AUTS2: variants seen among roughly 807,000 people sequenced by gnomAD.
AUTS2 encodes the protein autism susceptibility gene 2 protein.
AUTS2 carries 17 observed loss-of-function variants against 112.4 expected under a neutral mutation model. The ratio of observed to expected loss-of-function variants is 0.15; its 90% CI spans 0.10 to 0.23. The LOEUF is 0.23. Ranked by LOEUF, AUTS2 falls within the 10% of genes least tolerant of loss-of-function variation. The pLI is 1.00. For synonymous variants in AUTS2, 751 were observed against 702.7 expected, an observed-to-expected ratio of 1.07 and a Z score of -1.09; for missense variants, 1,510 against 1,701.6, an observed-to-expected ratio of 0.89 and a Z score of 1.98.
chr7:70,444,155 T>C (rs1796224443), intron 5 of AUTS2, among the ~76,000 whole-genome samples: 1 of 152,172 alleles, frequency 6.6e-6, no homozygotes, highest in African/African-American at 2.4e-5. Flanking sequence ...CTGAGCCACC[T>C]GAATACCAGG....
At position 69,894,284 on chromosome 7, in the gene AUTS2, A is replaced by G. The variant is rs1584404917; in HGVS notation, c.310-5002A>G. On this transcript the variant is annotated intron_variant, in intron 1 of 18. Transcript: ENST00000342771. ...TTTTTTTTTTTTTTTTTTTTAACAG[A>G]TTTCTTTCTTATCCTTCTGCCCTCC... Among the ~76,000 whole-genome samples the G allele has an allele frequency of 4.5e-5, 3 of 67,250 alleles. No homozygotes were observed. In the South Asian group the frequency reaches 1.4e-3, roughly 31 times the overall value. The allele number at this position is 67,250 out of a possible 152,430, so 44.1% of individuals were successfully genotyped here. A position where few individuals can be genotyped will look rare whatever the true frequency, so the allele number is the denominator to read the frequency against.
intron 1 of AUTS2, among the ~76,000 whole-genome samples, chr7:69,771,578 C>G (rs986997805): frequency 6.6e-6 from 1 of 152,046 alleles, no homozygotes; most frequent in Non-Finnish European, 1.5e-5. Flanking sequence ...GTGCTAGTTC[C>G]GTGTGGCAAA....
intron 5 of AUTS2, among the ~76,000 whole-genome samples, chr7:70,644,223 A>T (rs1013557339): frequency 6.6e-6 from 1 of 152,186 alleles, no homozygotes; most frequent in African/African-American, 2.4e-5. Flanking sequence ...AAATTCATCT[A>T]TAATGTGATG....
chr7:70,117,253 C>T (rs1167571671), intron 2 of AUTS2, among the ~76,000 whole-genome samples: 2 of 150,170 alleles, frequency 1.3e-5, no homozygotes, highest in Non-Finnish European at 2.9e-5. Context: ...TGTAGGTCTT[C>T]ATTGGTTCTT....
At chr7:70,069,380 A>AT (rs747121359) in intron 2 of AUTS2, among the ~76,000 whole-genome samples, 4 of 152,164 alleles carry the variant, frequency 2.6e-5, no homozygotes, top group African/African-American at 9.7e-5. Context: ...TGAGCACTTG[A>AT]TTTTTTAGGA....
At chr7:70,034,935 G>A (rs534799333) in intron 2 of AUTS2, among the ~76,000 whole-genome samples, 5 of 152,210 alleles carry the variant, frequency 3.3e-5, no homozygotes, top group South Asian at 2.1e-4. Flanking sequence ...GGGCCCAAGC[G>A]ATCCTCTCAC....
At chr7:70,293,137 C>T (rs1584982849) in intron 4 of AUTS2, 1 of 152,136 alleles carries the variant, frequency 6.6e-6, no homozygotes, top group Non-Finnish European at 1.5e-5. Flanking sequence ...GTCATTTGTT[C>T]ACATCACTGT....
chr7:69,784,523 A>G (rs1789280470), intron 1 of AUTS2, among the ~76,000 whole-genome samples: 1 of 152,232 alleles, frequency 6.6e-6, no homozygotes, highest in Non-Finnish European at 1.5e-5. Context: ...AACCCTGGAC[A>G]GGTCCCGAAG....
chr7:70,003,141 T>C (rs1298596632), intron 2 of AUTS2, among the ~76,000 whole-genome samples: 3 of 141,874 alleles, frequency 2.1e-5, no homozygotes, highest in Admixed American at 7.6e-5. Context: ...GAATATATTA[T>C]ATATGACTAT....
chr7:70,352,476 C>A (rs905759927), intron 4 of AUTS2, among the ~76,000 whole-genome samples: 2 of 151,842 alleles, frequency 1.3e-5, no homozygotes, highest in African/African-American at 4.8e-5. Flanking sequence ...TGAAAGGGAG[C>A]GTCAGGAGGG....
chr7:70,648,573 G>A lies in AUTS2; in HGVS notation c.691-49996G>A, dbSNP rs115315500. Among the ~76,000 whole-genome samples, 1,423 of 152,130 alleles carry A rather than the reference G, an allele frequency of 9.4e-3. 15 individuals carry two copies. Among genetic ancestry groups the A allele is most frequent in the African/African-American group, 0.032 (1,325 of 41,480 alleles). On this transcript the variant is annotated intron_variant, in intron 5 of 18. Coordinates refer to ENST00000342771, the MANE Select transcript of AUTS2 (RefSeq NM_015570.4). ...AAAACAGAATTTGTTTTGGTTTTTG[G>A]TTTTTTGTTTTGTTTCGTTTTGTTT...
intron 2 of AUTS2, among the ~76,000 whole-genome samples, chr7:70,105,470 G>A (rs1279229726): frequency 2.0e-5 from 3 of 152,042 alleles, no homozygotes; most frequent in Middle Eastern, 3.4e-3. Context: ...TGTTTCCCAC[G>A]CTGATCTTGA....
At chr7:70,574,267 A>G (rs1473331044) in intron 5 of AUTS2, among the ~76,000 whole-genome samples, 1 of 152,198 alleles carries the variant, frequency 6.6e-6, no homozygotes, top group Non-Finnish European at 1.5e-5. Context: ...TAACATCTGA[A>G]AAAAGGTCTT....
intron 4 of AUTS2, among the ~76,000 whole-genome samples, chr7:70,308,921 G>T (rs536249122): frequency 6.6e-6 from 1 of 152,124 alleles, no homozygotes; most frequent in Non-Finnish European, 1.5e-5. Context: ...ATCGCCTTTC[G>T]GGTCTATAGG....
At chr7:70,175,336 G>A (rs1277271913) in intron 4 of AUTS2, among the ~76,000 whole-genome samples, 1 of 152,206 alleles carries the variant, frequency 6.6e-6, no homozygotes, top group Non-Finnish European at 1.5e-5. Context: ...CAAAGAAAGT[G>A]TTTTCTTGAG....
chr7:70,176,646 T>C (rs1446378072), intron 4 of AUTS2, among the ~76,000 whole-genome samples: 1 of 152,246 alleles, frequency 6.6e-6, no homozygotes, highest in Non-Finnish European at 1.5e-5. Flanking sequence ...AGATGAAGTG[T>C]TGTTTATTTA....
chr7:69,895,773 G>T (rs752370396), intron 1 of AUTS2, among the ~76,000 whole-genome samples: 20 of 152,170 alleles, frequency 1.3e-4, no homozygotes, highest in African/African-American at 2.4e-4. Context: ...ATTCACATTT[G>T]TATGGAATTA....
chr7:70,682,443 T>A (rs1808258391), intron 5 of AUTS2, among the ~76,000 whole-genome samples: 2 of 152,252 alleles, frequency 1.3e-5, no homozygotes, highest in African/African-American at 4.8e-5. Context: ...AAACTTTTCC[T>A]TATTTTGGCA....
Position 70,005,044 on chromosome 7 carries a change from C to T in AUTS2, c.522+105546C>T, listed in dbSNP as rs192681154. 2.7e-3 allele frequency among the ~76,000 whole-genome samples: 407 copies of T among 152,042 alleles called. 1 individual carries two copies. The highest frequency in any genetic ancestry group is 4.2e-3 in the African/African-American group (173 of 41,464). On this transcript the variant is annotated intron_variant, in intron 2 of 18. Transcript: ENST00000342771. ...TTCACCATGTTGGCCAGGCTGGTCT[C>T]GAACTCCTGACCTCGGGTGATTCAC...
Sources: allele counts gnomAD v4.1 joint callset (sites outside exome capture counted in the v4.1 genomes callset), GRCh38; gene constraint gnomAD v4.1.1; transcripts MANE v1.5; gene names NCBI Gene and HGNC (gene_info 2026-07-23, HGNC 2026-07-21).